CDKAL1: variants seen among roughly 807,000 people sequenced by gnomAD.
The protein encoded by CDKAL1 is CDKAL1 threonylcarbamoyladenosine tRNA methylthiotransferase, also known as threonylcarbamoyladenosine tRNA methylthiotransferase.
In CDKAL1, 32 loss-of-function variants were observed where a neutral mutation model predicts 68.2. The ratio of observed to expected loss-of-function variants is 0.47; its 90% CI spans 0.35 to 0.63. The LOEUF (loss-of-function observed/expected upper bound fraction) is 0.63. Ranked by LOEUF, CDKAL1 falls within the 30% of genes least tolerant of loss-of-function variation. The pLI, the probability that CDKAL1 is intolerant of heterozygous loss-of-function variation, is 0.00. For synonymous variants in CDKAL1, 234 were observed against 244.3 expected (o/e 0.96, Z 0.39); for missense variants, 606 against 696.7 (o/e 0.87, Z 1.47).
At chr6:20,608,685 A>G (rs563011230) in intron 4 of CDKAL1, among the ~76,000 whole-genome samples, 16 of 152,244 alleles carry the variant, frequency 1.1e-4, no homozygotes, top group Non-Finnish European at 2.2e-4. Context: ...CAACTGGTGT[A>G]GTCAAACAAT....
chr6:21,145,048 C>A (rs182233518), intron 13 of CDKAL1, among the ~76,000 whole-genome samples: 139 of 152,214 alleles, frequency 9.1e-4, no homozygotes, highest in Admixed American at 2.4e-3. Flanking sequence ...CTTAGGCTGC[C>A]CAGAGCCTTC....
At chr6:20,674,288 G>A (rs1382855243) in intron 5 of CDKAL1, among the ~76,000 whole-genome samples, 2 of 152,150 alleles carry the variant, frequency 1.3e-5, no homozygotes, top group Non-Finnish European at 2.9e-5. Context: ...GTGTTGAGCA[G>A]TAGTGGAGAT....
intron 5 of CDKAL1, among the ~76,000 whole-genome samples, chr6:20,651,499 AAC>A (rs1305804955): frequency 6.6e-6 from 1 of 152,200 alleles, no homozygotes; most frequent in African/African-American, 2.4e-5. Flanking sequence ...GTCATCTGCA[AAC>A]AGAGACAGTT....
intron 12 of CDKAL1, among the ~76,000 whole-genome samples, chr6:21,081,834 T>A (rs937266232): frequency 6.6e-6 from 1 of 152,006 alleles, no homozygotes; most frequent in African/African-American, 2.4e-5. Flanking sequence ...CACCTCAGCC[T>A]CCCAAAGTGC....
intron 11 of CDKAL1, among the ~76,000 whole-genome samples, chr6:21,033,256 C>G (rs999798883): frequency 2.0e-5 from 3 of 151,976 alleles, no homozygotes; most frequent in African/African-American, 7.2e-5. Context: ...GTGATGAGAA[C>G]AATGTAATAG....
chr6:21,015,791 A>G (rs6456390), intron 11 of CDKAL1, among the ~76,000 whole-genome samples: 39,618 of 151,450 alleles, frequency 0.26, 6,345 homozygotes, highest in African/African-American at 0.45. Context: ...GCCAGGCGTG[A>G]TGGTGCGCAC....
chr6:20,690,251 A>AT (rs1770811773), intron 5 of CDKAL1, among the ~76,000 whole-genome samples: 1 of 152,232 alleles, frequency 6.6e-6, no homozygotes, highest in Non-Finnish European at 1.5e-5. Flanking sequence ...AGTTGTATAT[A>AT]TTTTTTGGCT....
intron 4 of CDKAL1, among the ~76,000 whole-genome samples, chr6:20,628,173 A>C (rs78294265): frequency 0.037 from 5,576 of 152,088 alleles, 128 homozygotes; most frequent in Middle Eastern, 0.088. Context: ...CCTTGTTCCT[A>C]ATCTTAGGGA....
At chr6:20,799,040 G>GGTT (rs772767946) in intron 8 of CDKAL1, among the ~76,000 whole-genome samples, 4 of 47,480 alleles carry the variant, frequency 8.4e-5, no homozygotes, top group African/African-American at 1.7e-4. Flanking sequence ...AAAGAACTGA[G>GGTT]TTTTTTTTTT....
chr6:21,220,270 G>T (rs1284369827), intron 15 of CDKAL1, among the ~76,000 whole-genome samples: 4 of 152,074 alleles, frequency 2.6e-5, no homozygotes, highest in Non-Finnish European at 5.9e-5. Context: ...TATTTAGTTA[G>T]CAGAAGAGAC....
intron 7 of CDKAL1, among the ~76,000 whole-genome samples, chr6:20,778,076 G>T (rs956930407): frequency 6.6e-6 from 1 of 152,012 alleles, no homozygotes; most frequent in Non-Finnish European, 1.5e-5. Flanking sequence ...ATAGCATCAG[G>T]ACAGTTGAAT....
intron 9 of CDKAL1, among the ~76,000 whole-genome samples, chr6:20,934,002 A>G (rs1763589044): frequency 6.6e-6 from 1 of 151,608 alleles, no homozygotes; most frequent in African/African-American, 2.4e-5. Context: ...ATATATATGG[A>G]CTGTGGTCCT....
chr6:20,977,224 A>C (rs1300961260), intron 10 of CDKAL1, among the ~76,000 whole-genome samples: 1 of 152,184 alleles, frequency 6.6e-6, no homozygotes, highest in Non-Finnish European at 1.5e-5. Context: ...TGAGTAGTGA[A>C]CATAAAGCTT....
At chr6:21,054,969 G>C (rs898380177) in intron 11 of CDKAL1, among the ~76,000 whole-genome samples, 2 of 151,604 alleles carry the variant, frequency 1.3e-5, no homozygotes, top group Admixed American at 1.3e-4. Flanking sequence ...TTTTTGGACT[G>C]ACTAGAACCT....
intron 5 of CDKAL1, among the ~76,000 whole-genome samples, chr6:20,723,169 TG>T (rs1581448341): frequency 6.6e-6 from 1 of 152,128 alleles, no homozygotes; most frequent in East Asian, 1.9e-4. Context: ...CCACTGTCCG[TG>T]GACAGTGGAA....
intron 9 of CDKAL1, among the ~76,000 whole-genome samples, chr6:20,890,168 T>G (rs1216927012): frequency 6.6e-6 from 1 of 152,242 alleles, no homozygotes; most frequent in Non-Finnish European, 1.5e-5. Flanking sequence ...AAAACACCTG[T>G]ATGTTTATGG....
At chr6:21,115,666 T>G (rs1774368183) in intron 13 of CDKAL1, among the ~76,000 whole-genome samples, 1 of 152,238 alleles carries the variant, frequency 6.6e-6, no homozygotes. Context: ...AATGTCTAGT[T>G]GATGAGATTC....
At chr6:21,202,529 A>G (rs1479350746) in intron 15 of CDKAL1, among the ~76,000 whole-genome samples, 1 of 152,208 alleles carries the variant, frequency 6.6e-6, no homozygotes, top group Non-Finnish European at 1.5e-5. Context: ...TTTTTTAAGA[A>G]GTCAGCTTAT....
chr6:21,206,053 T>C (rs142699418), intron 15 of CDKAL1, among the ~76,000 whole-genome samples: 2 of 139,250 alleles, frequency 1.4e-5, no homozygotes, highest in African/African-American at 5.3e-5. Context: ...CCATGGTCTC[T>C]ATCTCCTGAC....
Sources: allele counts gnomAD v4.1 joint callset (sites outside exome capture counted in the v4.1 genomes callset), GRCh38; gene constraint gnomAD v4.1.1; transcripts MANE v1.5; gene names NCBI Gene and HGNC (gene_info 2026-07-23, HGNC 2026-07-21).